The following SH3TC1 variants were observed in gnomAD, a reference collection of about 807,000 sequenced individuals.
The protein encoded by SH3TC1 is SH3 domain and tetratricopeptide repeats 1.
Under a neutral mutation model 117.3 loss-of-function variants are expected in SH3TC1, and 135 were observed. The observed-to-expected ratio is 1.15, with a 90% CI of 1.00 to 1.33. The LOEUF is 1.33. Ranked by LOEUF, SH3TC1 falls within the 40% of genes most tolerant of loss-of-function variation. The pLI is 0.00. For synonymous variants in SH3TC1, 898 were observed against 816.9 expected, an observed-to-expected ratio of 1.10 and a Z score of -1.69; for missense variants, 2,092 against 1,794.3, an observed-to-expected ratio of 1.17 and a Z score of -3.00.
Position 8,206,728 on chromosome 4 carries a change from G to A in SH3TC1, c.172+1362G>A, listed in dbSNP as rs1342946732. 6.6e-6 allele frequency among the ~76,000 whole-genome samples: 1 copy of A among 152,192 alleles called. No homozygotes were observed. Among genetic ancestry groups the A allele is most frequent in the East Asian group, 1.9e-4 (1 of 5,194 alleles). On this transcript the variant is annotated intron_variant, in intron 2 of 17. Transcript: ENST00000245105. This position sits in a 1 kb window ranked among gnomAD's most constrained non-coding sequence, Gnocchi z 5.5. ...TCCTCGTCTTCTCTGGACAATTTCA[G>A]ATAGACATCAAAGGTGGCAAGAAAT...
intron 1 of SH3TC1, among the ~76,000 whole-genome samples, chr4:8,202,701 T>C (rs1042176882): frequency 4.6e-5 from 7 of 152,184 alleles, no homozygotes; most frequent in Non-Finnish European, 8.8e-5. Context: ...CTGATCCGGC[T>C]GAGGCCCTGC....
chr4:8,233,120 A>G, intron 13 of SH3TC1: 1 of 1,347,882 alleles, frequency 7.4e-7, no homozygotes, highest in East Asian at 3.0e-5. Context: ...ATGGACTAGC[A>G]CGCTCCCCCA....
rs755944256 is a variant in SH3TC1 at position 8,227,017 on chromosome 4, G to C, written c.1323G>C (p.Glu441Asp). 1.5e-5 allele frequency: 24 copies of C among 1,569,030 alleles called. No homozygotes were observed. The highest frequency in any genetic ancestry group is 2.1e-5 in the Non-Finnish European group (24 of 1,157,062). The change falls in exon 12 of 18, where the codon GAG becomes GAC. Residue 441 changes from glutamate (E) to aspartate (D), a missense_variant. Coordinates refer to ENST00000245105, the MANE Select transcript of SH3TC1 (RefSeq NM_018986.5). ...PPPCLSLEPQ[E>D]TLQKVKNVLE... ...CTTGCCTGAGCCTGGAGCCACAGGA[G>C]ACCTTGCAGAAGGTGAAGAATGTTC...
chr4:8,202,935 T>C (rs536743151), intron 1 of SH3TC1, among the ~76,000 whole-genome samples: 1 of 152,302 alleles, frequency 6.6e-6, no homozygotes, highest in African/African-American at 2.4e-5. Flanking sequence ...CCTGCTCTGC[T>C]GATGGAGCCC....
rs749225794 is a variant in SH3TC1 at position 8,205,655 on chromosome 4, T to G, written c.172+289T>G. The G allele has an allele frequency of 2.6e-6, 2 of 763,298 alleles. No individual in the cohort carries two copies. Among genetic ancestry groups the G allele is most frequent in the Admixed American group, 3.4e-5 (2 of 58,564 alleles). 47.3% of individuals were successfully genotyped at this position (763,298 alleles called of 1,614,324 possible). A position where few individuals can be genotyped will look rare whatever the true frequency, so the allele number is the denominator to read the frequency against. The stretch of plus-strand genomic sequence containing the variant: ...AGGCAGGGGCCTTTGAACCCCCATG[T>G]TCAGAGACCGTTCCAGAAACAGTCC... On this transcript the variant is annotated intron_variant, in intron 2 of 17. Transcript: ENST00000245105. The surrounding 1 kb of genome is among the most constrained non-coding windows in gnomAD (Gnocchi z 5.4).
intron 13 of SH3TC1, chr4:8,232,656 G>A (rs1165445834): frequency 1.4e-5 from 18 of 1,294,386 alleles, no homozygotes; most frequent in Admixed American, 6.8e-5. Flanking sequence ...GGCTCTCCTG[G>A]AGCATCCTGA....
At chr4:8,234,160 CCTTCCAT>C (rs1721565501) in intron 14 of SH3TC1, among the ~76,000 whole-genome samples, 1 of 72,908 alleles carries the variant, frequency 1.4e-5, no homozygotes, top group Non-Finnish European at 3.9e-5. Context: ...ATCCATCCAT[CCTTCCAT>C]CATCCATCCA....
In SH3TC1 at chr4:8,240,798, C is replaced by A; in HGVS notation, c.3854C>A (p.Thr1285Asn). 2 of 1,614,144 alleles carry A rather than the reference C, an allele frequency of 1.2e-6. No homozygotes were observed. The highest frequency in any genetic ancestry group is 1.7e-6 in the Non-Finnish European group (2 of 1,180,044). ...CTGAAGATCTACACGCGGCTGGCCA[C>A]CATCTACCACAACTTCCTCCTGGAC... ...AQLKIYTRLATIYHNFLLDRE... is the reference protein window; with the variant it reads ...AQLKIYTRLANIYHNFLLDRE... The change falls in exon 18 of 18, where the codon ACC (threonine) becomes AAC (asparagine). Residue 1285 changes from threonine (T) to asparagine (N), a missense_variant. Physicochemically the swap from Thr to Asn is moderately conservative, Grantham distance 65. Coordinates refer to ENST00000245105, the MANE Select transcript of SH3TC1 (RefSeq NM_018986.5).
chr4:8,226,836 G>C (rs1263747062), intron 11 of SH3TC1, 144 bp from the exon 12 acceptor site: 3 of 517,022 alleles, frequency 5.8e-6, no homozygotes, highest in Non-Finnish European at 6.6e-6. Context: ...ATTCTCAAGG[G>C]CTCATGGCAA....
At position 8,227,827 on chromosome 4, in the gene SH3TC1, A is replaced by T. The variant is rs1196828712; in HGVS notation, c.2133A>T (p.Leu711=). ...CCGCGTGGCTCTCAGACTGCTACCTACTCCTGGCTGACATCTACAGCCGCA... is the reference window on the plus strand; with the variant it reads ...CCGCGTGGCTCTCAGACTGCTACCTTCTCCTGGCTGACATCTACAGCCGCA... ...PEAAWLSDCY[L]LLADIYSRKC... is the part of the protein sequence containing the mutation. Residue 711 remains leucine (L), a synonymous_variant, in exon 12 of 18, where the codon CTA becomes CTT. Coordinates refer to ENST00000245105, the MANE Select transcript of SH3TC1 (RefSeq NM_018986.5). 1.9e-6 allele frequency: 3 copies of T among 1,612,194 alleles called. No homozygotes were observed. In the South Asian group the frequency reaches 3.3e-5, roughly 18 times the overall value.
chr4:8,223,103 G>T, intron 10 of SH3TC1, 133 bp downstream of exon 10: 1 of 1,279,764 alleles, frequency 7.8e-7, no homozygotes, highest in South Asian at 1.5e-5. Flanking sequence ...GGCTGCCGCT[G>T]CCTCCAGGGC....
chr4:8,219,610 C>T (rs898411227), intron 9 of SH3TC1, 80 bp downstream of exon 9: 1 of 1,357,102 alleles, frequency 7.4e-7, no homozygotes. Flanking sequence ...CACCTGGCTC[C>T]CCAGGTAACA....
chr4:8,219,626 G>A lies in SH3TC1; in HGVS notation c.1112+96G>A, dbSNP rs1351548451. ...ACCTGGCTCCCCAGGTAACAAGCCT[G>A]AAAGTCACTGTGGACGATGCCTAGT... On this transcript the variant is annotated intron_variant, in intron 9 of 17. Transcript: ENST00000245105. The A allele has an allele frequency of 6.2e-6, 8 of 1,297,780 alleles. No individual in the cohort carries two copies. In the Admixed American group the frequency reaches 1.6e-4, roughly 26 times the overall value. The allele number at this position is 1,297,780 out of a possible 1,614,324, so 80.4% of individuals were successfully genotyped here.
rs1305179397 is a variant in SH3TC1, at chr4:8,212,998, G to A, written c.375+170G>A. ...GCGGCTGTGATACCCAGTGGGTGGC[G>A]AGGGCTTGTTTCTCCCACTTGCTTT... On this transcript the variant is annotated intron_variant, in intron 4 of 17. Coordinates refer to ENST00000245105, the MANE Select transcript of SH3TC1 (RefSeq NM_018986.5). 13 of 873,496 alleles carry A rather than the reference G, an allele frequency of 1.5e-5. No individual in the cohort carries two copies. The East Asian group carries it at 2.0e-4, about 14-fold the overall frequency. The allele number at this position is 873,496 out of a possible 1,614,324, so 54.1% of individuals were successfully genotyped here. A position where few individuals can be genotyped will look rare whatever the true frequency, so the allele number is the denominator to read the frequency against.
chr4:8,224,814 C>A (rs1720307288), intron 10 of SH3TC1, among the ~76,000 whole-genome samples: 1 of 152,168 alleles, frequency 6.6e-6, no homozygotes, highest in African/African-American at 2.4e-5. Flanking sequence ...AGCGTGCTCC[C>A]CACTGATGAT....
At position 8,232,095 on chromosome 4, in the gene SH3TC1, G is replaced by A. The variant is rs779830249; in HGVS notation, c.3070G>A (p.Val1024Met). The A allele has an allele frequency of 2.5e-6, 4 of 1,613,152 alleles. No individual in the cohort carries two copies. Among genetic ancestry groups the A allele is most frequent in the African/African-American group, 2.7e-5 (2 of 74,948 alleles). The change falls in exon 13 of 18, where the codon GTG becomes ATG. Residue 1024 changes from valine to methionine, a missense_variant. Val to Met is a conservative substitution (Grantham distance 21). Transcript: ENST00000245105. ...CCTGGCCTGCAAGGTGGCCGACAAG[G>A]TGCTGGAGGGGCAGCTCCTGGAGAC... ...LSLACKVADK[V>M]LEGQLLETIS... is the part of the protein sequence containing the mutation.
rs766292659 is a variant in SH3TC1 at position 8,240,857 on chromosome 4, A to G, written c.3913A>G (p.Arg1305Gly). Reference sequence around the variant, plus strand: ...GTCGCTCTTCTTCTACCAGAAGGCCAGGACCTTCGCCACAGAGCTCAACGT... The same window carrying G: ...GTCGCTCTTCTTCTACCAGAAGGCCGGGACCTTCGCCACAGAGCTCAACGT... ...EKSLFFYQKA[R>G]TFATELNVRR... Residue 1305 changes from arginine (R) to glycine (G), a missense_variant, in exon 18 of 18, where the codon AGG (arginine) becomes GGG (glycine). Arg to Gly is a moderately radical substitution (Grantham distance 125). Transcript: ENST00000245105. 1.8e-4 allele frequency: 293 copies of G among 1,613,756 alleles called. No individual in the cohort carries two copies. Among genetic ancestry groups the G allele is most frequent in the Admixed American group, 2.8e-4 (17 of 60,012 alleles).
intron 1 of SH3TC1, among the ~76,000 whole-genome samples, chr4:8,194,283 G>C (rs989086627): frequency 2.0e-5 from 3 of 152,238 alleles, no homozygotes; most frequent in Admixed American, 1.3e-4. Context: ...CTTTCCTGAA[G>C]GAAGGACACA....
chr4:8,195,128 C>T (rs1470377655), upstream of SH3TC1, among the ~76,000 whole-genome samples: 1 of 152,192 alleles, frequency 6.6e-6, no homozygotes, highest in East Asian at 1.9e-4. Flanking sequence ...GACAGTCAAG[C>T]TGGTGGCGCC....
Sources: gnomAD v4.1 joint callset for allele counts (sites outside exome capture counted in the v4.1 genomes callset) on GRCh38, gnomAD v4.1.1 for gene constraint, Gnocchi (gnomAD v3.1) non-coding constraint, MANE v1.5 for transcripts, NCBI Gene and HGNC (gene_info 2026-07-23, HGNC 2026-07-21) for gene names.